The following HIBCH variants were observed in gnomAD, a reference collection of about 807,000 sequenced individuals.
The protein encoded by HIBCH is 3-hydroxyisobutyryl-CoA hydrolase, mitochondrial.
In HIBCH, 50 loss-of-function variants were observed where a neutral mutation model predicts 58.2. The observed-to-expected ratio is 0.86, with a 90% CI of 0.68 to 1.09. The LOEUF (loss-of-function observed/expected upper bound fraction) is 1.09, where lower values mean the gene tolerates loss of function less well. Ranked by LOEUF, HIBCH falls within the 50% of genes least tolerant of loss-of-function variation. HIBCH has a pLI of 0.00. For synonymous variants in HIBCH, 151 were observed against 146.9 expected, an observed-to-expected ratio of 1.03 and a Z score of -0.20; for missense variants, 450 against 449.7, an observed-to-expected ratio of 1.00 and a Z score of -0.01.
rs1310570260 is a variant in HIBCH, at chr2:190,216,008, CAGAAAG to C, written c.892-2939_892-2934del. On this transcript the variant is annotated intron_variant, in intron 11 of 13. Coordinates refer to ENST00000359678, the MANE Select transcript of HIBCH (RefSeq NM_014362.4). This position sits in a 1 kb window ranked among gnomAD's most constrained non-coding sequence, Gnocchi z 4.2. ...GAGGGAAAAAGGAAACAGGGGATGA[CAGAAAG>C]AGAAATAAAAGAAGAAAATGAGCAA... The C allele has an allele frequency of 6.6e-6, 1 of 152,056 alleles. No homozygotes were observed. The highest frequency in any genetic ancestry group is 1.9e-4 in the East Asian group (1 of 5,200). The allele number at this position is 152,056 out of a possible 1,614,324, so 9.4% of individuals were successfully genotyped here.
chr2:190,232,846 T>G (rs1458415314), intron 11 of HIBCH, among the ~76,000 whole-genome samples: 1 of 152,042 alleles, frequency 6.6e-6, no homozygotes, highest in East Asian at 1.9e-4. Flanking sequence ...TAGTCCCAGC[T>G]ACTCGGGAGG....
chr2:190,212,874 A>C, intron 12 of HIBCH, 82 bp downstream of exon 12: 2 of 1,233,454 alleles, frequency 1.6e-6, no homozygotes, highest in Middle Eastern at 2.7e-4. Flanking sequence ...TCTTGTTTGC[A>C]CTTAGTGTAT....
At chr2:190,277,673 G>T (rs556660611) in intron 6 of HIBCH, among the ~76,000 whole-genome samples, 2 of 152,282 alleles carry the variant, frequency 1.3e-5, no homozygotes, top group East Asian at 3.9e-4. Flanking sequence ...TAATTTAAGA[G>T]TATAGTTTTG....
At chr2:190,191,460 T>G (rs569834719) in intron 1 of HIBCH, among the ~76,000 whole-genome samples, 24 of 152,294 alleles carry the variant, frequency 1.6e-4, no homozygotes, top group African/African-American at 5.5e-4. Context: ...ACAATTTTTT[T>G]ATGTGAACAC....
chr2:190,317,239 T>C (rs1688727192), intron 1 of HIBCH, among the ~76,000 whole-genome samples: 1 of 152,174 alleles, frequency 6.6e-6, no homozygotes, highest in Admixed American at 6.5e-5. Flanking sequence ...TGACTCCCTC[T>C]CCCTATCTAA....
At chr2:190,285,840 T>G (rs1165146374) in intron 6 of HIBCH, among the ~76,000 whole-genome samples, 1 of 152,014 alleles carries the variant, frequency 6.6e-6, no homozygotes, top group Non-Finnish European at 1.5e-5. Context: ...TCTGAAAGTA[T>G]GTCTTTTTGT....
chr2:190,263,957 G>A (rs534160349), intron 6 of HIBCH, among the ~76,000 whole-genome samples: 1 of 152,118 alleles, frequency 6.6e-6, no homozygotes, highest in East Asian at 1.9e-4. Flanking sequence ...CCCGGACTGG[G>A]CCACTTTTCA....
At chr2:190,259,620 T>C (rs908337472) in intron 7 of HIBCH, among the ~76,000 whole-genome samples, 1 of 152,248 alleles carries the variant, frequency 6.6e-6, no homozygotes. Context: ...TTGATGCTTT[T>C]GTAAATGAAA....
At chr2:190,221,589 C>T (rs1211803320) in intron 11 of HIBCH, among the ~76,000 whole-genome samples, 5 of 152,138 alleles carry the variant, frequency 3.3e-5, no homozygotes, top group African/African-American at 9.7e-5. Flanking sequence ...CCAGTAAGGG[C>T]CCCACCCTCA....
rs1357291112 is a variant in HIBCH at position 190,252,269 on chromosome 2, G to A, written c.556C>T (p.Arg186Ter). 16 of 1,613,246 alleles carry A rather than the reference G, an allele frequency of 9.9e-6. No individual in the cohort carries two copies. Among genetic ancestry groups the A allele is most frequent in the East Asian group, 4.5e-5 (2 of 44,838 alleles). The part of the protein sequence containing the change: ...PDVGGGYFLP[R>*]LQGKLGYFLA... Reference sequence around the variant, plus strand: ...AAGTAACCAAGTTTTCCTTGGAGTCGTGGCAAGAAATAACCTCCACCCACA... The same window carrying A: ...AAGTAACCAAGTTTTCCTTGGAGTCATGGCAAGAAATAACCTCCACCCACA... Residue 186 changes from arginine to a stop codon, truncating the protein, a stop_gained, in exon 8 of 14, where the codon CGA becomes TGA. Transcript: ENST00000359678. LOFTEE classifies it high-confidence loss of function.
intron 11 of HIBCH, chr2:190,213,709 T>C (rs1202858225): frequency 6.5e-6 from 1 of 153,070 alleles, no homozygotes; most frequent in Non-Finnish European, 1.5e-5. Context: ...TAACTAGGAT[T>C]GCAATGCATT....
intron 7 of HIBCH, among the ~76,000 whole-genome samples, chr2:190,259,217 T>C (rs1035915163): frequency 2.6e-5 from 4 of 152,182 alleles, no homozygotes; most frequent in African/African-American, 9.7e-5. Flanking sequence ...AGTAAGAACA[T>C]TTTAAAAATA....
chr2:190,298,072 G>A (rs1334213555), intron 2 of HIBCH, among the ~76,000 whole-genome samples: 2 of 152,072 alleles, frequency 1.3e-5, no homozygotes, highest in East Asian at 1.9e-4. Flanking sequence ...ATGTCCCTGC[G>A]AAGGACATGA....
chr2:190,194,718 C>T (rs967054337), intron 1 of HIBCH, among the ~76,000 whole-genome samples: 5 of 152,154 alleles, frequency 3.3e-5, no homozygotes, highest in African/African-American at 9.7e-5. Context: ...CCCTTGGCAA[C>T]CACTGGTCTT....
rs529361961 is a variant in HIBCH at position 190,268,864 on chromosome 2, G to C, written c.439-7630C>G. Among the ~76,000 whole-genome samples the C allele has an allele frequency of 2.6e-5, 4 of 152,210 alleles. No individual in the cohort carries two copies. In the East Asian group the frequency reaches 7.7e-4, roughly 29 times the overall value. Reference sequence around the variant, plus strand: ...TATTTAAAGTAACCAAAACAGCATGGTACTGGTACCAAAAGAGGTATATAG... The same window carrying C: ...TATTTAAAGTAACCAAAACAGCATGCTACTGGTACCAAAAGAGGTATATAG... On this transcript the variant is annotated intron_variant, in intron 6 of 13. Coordinates refer to ENST00000359678, the MANE Select transcript of HIBCH (RefSeq NM_014362.4).
rs1487750669 is a variant in HIBCH, at chr2:190,209,816, C to T, written c.1012-903G>A. ...AGGCAATATAGCTGAGTTCAAATGT[C>T]TAGGTTCACATCCTGATAGCTACAT... On this transcript the variant is annotated intron_variant, in intron 12 of 13. Coordinates refer to ENST00000359678, the MANE Select transcript of HIBCH (RefSeq NM_014362.4). The surrounding 1 kb of genome is among the most constrained non-coding windows in gnomAD (Gnocchi z 5.6). Among the ~76,000 whole-genome samples the T allele has an allele frequency of 6.6e-6, 1 of 152,186 alleles. No individual in the cohort carries two copies. The highest frequency in any genetic ancestry group is 2.4e-5 in the African/African-American group (1 of 41,440).
Position 190,209,858 on chromosome 2 carries a change from C to T in HIBCH, c.1012-945G>A, listed in dbSNP as rs1690476732. ...TAGCTACATATTAACTATGTGACCTCGGACTAGTAATTTCTCCAACCCTAG... is the reference window on the plus strand; with the variant it reads ...TAGCTACATATTAACTATGTGACCTTGGACTAGTAATTTCTCCAACCCTAG... On this transcript the variant is annotated intron_variant, in intron 12 of 13. Transcript: ENST00000359678. This position sits in a 1 kb window ranked among gnomAD's most constrained non-coding sequence, Gnocchi z 5.6. 6.6e-6 allele frequency among the ~76,000 whole-genome samples: 1 copy of T among 152,280 alleles called. No individual in the cohort carries two copies. Among genetic ancestry groups the T allele is most frequent in the East Asian group, 1.9e-4 (1 of 5,178 alleles).
chr2:190,195,675 A>G (rs1250613026), intron 1 of HIBCH, among the ~76,000 whole-genome samples: 1 of 152,218 alleles, frequency 6.6e-6, no homozygotes, highest in Non-Finnish European at 1.5e-5. Flanking sequence ...TTTATCAAAT[A>G]TGCTTTTGCA....
intron 11 of HIBCH, among the ~76,000 whole-genome samples, chr2:190,239,441 G>C (rs1408891555): frequency 6.6e-6 from 1 of 152,076 alleles, no homozygotes; most frequent in East Asian, 1.9e-4. Context: ...ATTCTCTAGA[G>C]TACACGGGCT....
Sources: allele counts gnomAD v4.1 joint callset (sites outside exome capture counted in the v4.1 genomes callset), GRCh38; gene constraint gnomAD v4.1.1; non-coding constraint Gnocchi (gnomAD v3.1); transcripts MANE v1.5; gene names NCBI Gene and HGNC (gene_info 2026-07-23, HGNC 2026-07-21).